WDR59: variants seen among roughly 807,000 people sequenced by gnomAD.
The protein encoded by WDR59 is WD repeat domain 59.
Under a neutral mutation model 131.2 loss-of-function variants are expected in WDR59, and 100 were observed. The ratio of observed to expected loss-of-function variants is 0.76; its 90% CI spans 0.65 to 0.90. The LOEUF is 0.90. Ranked by LOEUF, WDR59 falls within the 40% of genes least tolerant of loss-of-function variation. The pLI, the probability that WDR59 is intolerant of heterozygous loss-of-function variation, is 0.00. For missense variants in WDR59, 1,203 were observed against 1,262.2 expected (o/e 0.95, Z 0.71); for synonymous variants, 601 against 466.2 (o/e 1.29, Z -3.72).
intron 1 of WDR59, among the ~76,000 whole-genome samples, chr16:74,969,335 C>T (rs1423711203): frequency 1.3e-5 from 2 of 150,188 alleles, no homozygotes; most frequent in South Asian, 2.1e-4. Flanking sequence ...TGCAATGGCA[C>T]GATCTTGGCT....
chr16:74,932,798 T>A (rs2031503896), intron 8 of WDR59, among the ~76,000 whole-genome samples: 1 of 152,180 alleles, frequency 6.6e-6, no homozygotes, highest in South Asian at 2.1e-4. Flanking sequence ...CTTGATTGTT[T>A]ATTGATTGTC....
chr16:74,984,106 G>A (rs1330789304), intron 1 of WDR59, among the ~76,000 whole-genome samples: 15 of 151,820 alleles, frequency 9.9e-5, no homozygotes, highest in African/African-American at 3.4e-4. Flanking sequence ...GTGAAACCCC[G>A]TCTCTACTAA....
intron 2 of WDR59, among the ~76,000 whole-genome samples, 197 bp downstream of exon 2, chr16:74,965,576 A>G (rs1446372765): frequency 2.0e-5 from 3 of 152,234 alleles, no homozygotes; most frequent in African/African-American, 7.2e-5. Context: ...AAGGTGTTTT[A>G]TTGCTTACCT....
At chr16:74,973,719 C>A (rs767153101) in intron 1 of WDR59, among the ~76,000 whole-genome samples, 1 of 152,202 alleles carries the variant, frequency 6.6e-6, no homozygotes, top group Admixed American at 6.6e-5. Flanking sequence ...CTTTGAATGT[C>A]ATGGTGGATT....
rs1007862675 is a variant in WDR59 at position 74,892,494 on chromosome 16, T to C, written c.2072A>G (p.Asp691Gly). The C allele has an allele frequency of 1.3e-5, 21 of 1,613,572 alleles. No individual in the cohort carries two copies. Among genetic ancestry groups the C allele is most frequent in the Non-Finnish European group, 1.6e-5 (19 of 1,179,728 alleles). ...AASALLVGRK[D>G]LVQVWSLATV... The stretch of plus-strand genomic sequence containing the variant: ...AGGGATGGACAATACCTGGACAAGA[T>C]CCTTTCTTCCAACGAGCAAGGCAGA... The change falls in exon 20 of 26, where the codon GAT becomes GGT. Residue 691 changes from aspartate to glycine, a missense_variant. By Grantham distance (94) the Asp-to-Gly change is moderately conservative. Transcript: ENST00000262144.
chr16:74,890,376 C>G (rs939276452), intron 20 of WDR59, among the ~76,000 whole-genome samples: 1 of 152,132 alleles, frequency 6.6e-6, no homozygotes, highest in African/African-American at 2.4e-5. Flanking sequence ...GTCTGGAACT[C>G]CTGGACTCAA....
At position 74,912,190 on chromosome 16, in the gene WDR59, A is replaced by G; in HGVS notation, c.1389+8T>C. The G allele has an allele frequency of 6.2e-7, 1 of 1,614,040 alleles. No individual in the cohort carries two copies. Among genetic ancestry groups the G allele is most frequent in the Non-Finnish European group, 8.5e-7 (1 of 1,180,012 alleles). The stretch of plus-strand genomic sequence containing the variant: ...CAGCAAGGAGAATTTGGGAACCCAG[A>G]CCCCCACCTTCAGCAGCTTAGCTTT... On this transcript the variant is annotated splice_region_variant and intron_variant, in intron 14 of 25. Coordinates refer to ENST00000262144, the MANE Select transcript of WDR59 (RefSeq NM_030581.4).
In WDR59 at chr16:74,909,497, C is replaced by T; in HGVS notation, c.1642+4G>A. ...TCTAGAATCAAAGAACCAAAGAGAC[C>T]CACCTGCTCCGCAGAACCTGGCCCC... On this transcript the variant is annotated splice_donor_region_variant and intron_variant, in intron 16 of 25. Transcript: ENST00000262144. 6.5e-7 allele frequency: 1 copy of T among 1,547,290 alleles called. No homozygotes were observed. Among genetic ancestry groups the T allele is most frequent in the Non-Finnish European group, 8.7e-7 (1 of 1,150,368 alleles).
In WDR59 at chr16:74,888,192, G is replaced by C. The variant is rs1567689572; in HGVS notation, c.2323C>G (p.Leu775Val). Reference protein sequence around the residue: ...FGPFPNRSSNLVVSHSRYPSF... With the variant: ...FGPFPNRSSNVVVSHSRYPSF... The stretch of plus-strand genomic sequence containing the variant: ...ACATATCGACTATGGGACACCACAA[G>C]ATTAGAAGAACGGTTAGGAAAAGGC... Residue 775 changes from leucine (L) to valine (V), a missense_variant, in exon 22 of 26, where the codon CTT becomes GTT. By Grantham distance (32) the Leu-to-Val change is conservative. Coordinates refer to ENST00000262144, the MANE Select transcript of WDR59 (RefSeq NM_030581.4). The C allele has an allele frequency of 1.2e-6, 2 of 1,611,544 alleles. No homozygotes were observed. The highest frequency in any genetic ancestry group is 1.7e-5 in the Admixed American group (1 of 59,360).
At chr16:74,975,033 AAC>A (rs2034130240) in intron 1 of WDR59, among the ~76,000 whole-genome samples, 1 of 152,168 alleles carries the variant, frequency 6.6e-6, no homozygotes, top group East Asian at 1.9e-4. Context: ...GGGAACCCCC[AAC>A]ACAAGTAGGC....
chr16:74,894,162 G>A (rs752730513), intron 18 of WDR59, among the ~76,000 whole-genome samples: 3 of 152,134 alleles, frequency 2.0e-5, no homozygotes, highest in Non-Finnish European at 2.9e-5. Context: ...ATTGAATTCA[G>A]TCCTAGGTTC....
At chr16:74,974,407 A>G (rs1326753312) in intron 1 of WDR59, among the ~76,000 whole-genome samples, 1 of 152,282 alleles carries the variant, frequency 6.6e-6, no homozygotes, top group Admixed American at 6.6e-5. Flanking sequence ...ATCAACATTT[A>G]TCAACTGCTT....
At chr16:74,902,773 C>G (rs926775805) in intron 18 of WDR59, among the ~76,000 whole-genome samples, 3 of 151,944 alleles carry the variant, frequency 2.0e-5, no homozygotes, top group African/African-American at 7.3e-5. Flanking sequence ...TACCTGCAAA[C>G]ATGTGGGAAA....
chr16:74,889,447 A>T (rs576783584), intron 21 of WDR59, among the ~76,000 whole-genome samples: 1 of 152,326 alleles, frequency 6.6e-6, no homozygotes, highest in South Asian at 2.1e-4. Context: ...TATGGACTAA[A>T]GCATGAATCT....
At chr16:74,874,600 ATTTTTT>A (rs1270492210) in intron 25 of WDR59, among the ~76,000 whole-genome samples, 156 bp from the exon 26 acceptor site, 3 of 151,450 alleles carry the variant, frequency 2.0e-5, no homozygotes, top group Non-Finnish European at 4.4e-5. Flanking sequence ...TTTTATTTTT[ATTTTTT>A]CTTTTTGAGA....
In WDR59 at chr16:74,889,077, A is replaced by C. The variant is rs548787608; in HGVS notation, c.2195+626T>G. 3.9e-5 allele frequency among the ~76,000 whole-genome samples: 6 copies of C among 152,338 alleles called. No homozygotes were observed. The South Asian group carries it at 1.0e-3, about 26-fold the overall frequency. ...GTGTTAGTGACAAGGAAACGGAAGC[A>C]CGAACACGTGTCCCAGGGGTGGCCT... On this transcript the variant is annotated intron_variant, in intron 21 of 25. Transcript: ENST00000262144.
At chr16:74,921,858 CT>C (rs1356994210) in intron 10 of WDR59, 88 bp downstream of exon 10, 1 of 1,482,794 alleles carries the variant, frequency 6.7e-7, no homozygotes. Flanking sequence ...CTCTCTATGT[CT>C]TCTTTACTGG....
intron 13 of WDR59, 170 bp downstream of exon 13, chr16:74,915,700 A>T: frequency 1.2e-6 from 1 of 862,212 alleles, no homozygotes; most frequent in Non-Finnish European, 1.7e-6. Context: ...CTGGGATTAC[A>T]GGCGTGAGCC....
At chr16:74,962,856 T>C (rs1476273686) in intron 2 of WDR59, 1 of 151,954 alleles carries the variant, frequency 6.6e-6, no homozygotes, top group East Asian at 1.9e-4. Flanking sequence ...AATACTATGT[T>C]GAGTAGGAGA....
Sources: allele counts gnomAD v4.1 joint callset (sites outside exome capture counted in the v4.1 genomes callset), GRCh38; gene constraint gnomAD v4.1.1; transcripts MANE v1.5; gene names NCBI Gene and HGNC (gene_info 2026-07-23, HGNC 2026-07-21).